RGS5: variants seen among roughly 807,000 people sequenced by gnomAD.
RGS5 encodes the protein regulator of G-protein signalling 5.
A neutral mutation model predicts 18.9 loss-of-function variants in RGS5; 20 were observed. The observed-to-expected ratio is 1.06, with a 90% CI of 0.74 to 1.54. RGS5 has a LOEUF of 1.54. RGS5 is among the 40% of genes most tolerant of loss of function. The pLI is 0.00. For synonymous variants in RGS5, 57 were observed against 76.2 expected, an observed-to-expected ratio of 0.75 and a Z score of 1.31; for missense variants, 201 against 211.8, an observed-to-expected ratio of 0.95 and a Z score of 0.32.
At chr1:163,210,459 A>T (rs1295159052) in intron 1 of RGS5, among the ~76,000 whole-genome samples, 1 of 152,158 alleles carries the variant, frequency 6.6e-6, no homozygotes, top group Non-Finnish European at 1.5e-5. Flanking sequence ...TTGCCCTGAA[A>T]TTTTTTTAAA....
intron 1 of RGS5, among the ~76,000 whole-genome samples, chr1:163,190,869 A>AT (rs139132272): frequency 5.1e-4 from 78 of 152,312 alleles, no homozygotes; most frequent in African/African-American, 1.9e-3. Context: ...CATTAAAGGG[A>AT]TACCCACATG....
At chr1:163,189,766 C>G (rs1025473105) in intron 1 of RGS5, among the ~76,000 whole-genome samples, 4 of 152,102 alleles carry the variant, frequency 2.6e-5, no homozygotes, top group Non-Finnish European at 4.4e-5. Context: ...TGTGGGAACC[C>G]AAAGCCTTTT....
At chr1:163,195,580 A>G (rs966266322) in intron 1 of RGS5, among the ~76,000 whole-genome samples, 1 of 151,988 alleles carries the variant, frequency 6.6e-6, no homozygotes, top group African/African-American at 2.4e-5. Flanking sequence ...CTGAAACAAA[A>G]GTAACAATAA....
At chr1:163,268,800 C>T (rs1352039069) in intron 2 of RGS5, among the ~76,000 whole-genome samples, 1 of 152,120 alleles carries the variant, frequency 6.6e-6, no homozygotes, top group African/African-American at 2.4e-5. Flanking sequence ...TGCCTTCTGA[C>T]TGGTCTAGGT....
At chr1:163,294,534 G>C (rs1162013576) in intron 2 of RGS5, among the ~76,000 whole-genome samples, 1 of 152,200 alleles carries the variant, frequency 6.6e-6, no homozygotes, top group African/African-American at 2.4e-5. Flanking sequence ...TTCTCTCTTA[G>C]ACTTCTGGGT....
At chr1:163,196,335 G>A (rs1659564163) in intron 1 of RGS5, among the ~76,000 whole-genome samples, 1 of 152,074 alleles carries the variant, frequency 6.6e-6, no homozygotes, top group Non-Finnish European at 1.5e-5. Context: ...CAGCAGTACA[G>A]ACAAAAACCA....
intron 1 of RGS5, among the ~76,000 whole-genome samples, chr1:163,199,527 A>G (rs1445871489): frequency 2.6e-5 from 4 of 152,118 alleles, no homozygotes; most frequent in African/African-American, 9.7e-5. Context: ...CCCATTATAT[A>G]TATTCCACCC....
At chr1:163,243,765 A>G (rs1227791164) in intron 2 of RGS5, among the ~76,000 whole-genome samples, 2 of 151,732 alleles carry the variant, frequency 1.3e-5, no homozygotes, top group African/African-American at 4.8e-5. Flanking sequence ...AAATTAAAGT[A>G]ACATTAAAAA....
At chr1:163,312,097 G>T (rs567360367) in intron 1 of RGS5, among the ~76,000 whole-genome samples, 65 of 152,324 alleles carry the variant, frequency 4.3e-4, no homozygotes, top group Non-Finnish European at 7.5e-4. Flanking sequence ...GCTGGATCAC[G>T]GGGGTGGTTT....
intron 2 of RGS5, among the ~76,000 whole-genome samples, chr1:163,264,591 C>A (rs1014261788): frequency 1.3e-5 from 2 of 152,148 alleles, no homozygotes; most frequent in Non-Finnish European, 2.9e-5. Flanking sequence ...GCATGACTAT[C>A]CAACAAACTT....
chr1:163,230,913 A>G (rs1647463302), intron 2 of RGS5, among the ~76,000 whole-genome samples: 2 of 152,366 alleles, frequency 1.3e-5, no homozygotes, highest in South Asian at 2.1e-4. Context: ...ACAGAGACAC[A>G]TTACAAAAAA....
At chr1:163,200,471 G>T (rs186469491) in intron 1 of RGS5, among the ~76,000 whole-genome samples, 2 of 152,054 alleles carry the variant, frequency 1.3e-5, no homozygotes, top group Non-Finnish European at 2.9e-5. Context: ...GAGCCTGTGT[G>T]GGGGAGGAAG....
intron 2 of RGS5, among the ~76,000 whole-genome samples, chr1:163,247,018 G>A (rs757210869): frequency 1.3e-5 from 2 of 152,228 alleles, no homozygotes; most frequent in East Asian, 1.9e-4. Context: ...ACTTATAAGC[G>A]AGAGCTAAAC....
chr1:163,303,732 C>G (rs573692238), intron 2 of RGS5, among the ~76,000 whole-genome samples: 1 of 152,136 alleles, frequency 6.6e-6, no homozygotes, highest in South Asian at 2.1e-4. Flanking sequence ...CCACACAGCA[C>G]GAAGTGAGTG....
At chr1:163,195,972 T>C (rs997696723) in intron 1 of RGS5, among the ~76,000 whole-genome samples, 1 of 152,142 alleles carries the variant, frequency 6.6e-6, no homozygotes, top group African/African-American at 2.4e-5. Context: ...TGAGCACTGT[T>C]CTTTCTACCC....
chr1:163,313,317 T>C lies in RGS5; in HGVS notation c.-377-6988A>G, dbSNP rs1037633195. Reference sequence around the variant, plus strand: ...TTAATACTAACTCTAGGAGAAAATCTTCAGAAAAGCCCTAGCCAATGAACA... The same window carrying C: ...TTAATACTAACTCTAGGAGAAAATCCTCAGAAAAGCCCTAGCCAATGAACA... On this transcript the variant is annotated intron_variant, in intron 1 of 5. Coordinates refer to the RGS5 transcript ENST00000618415. Among the ~76,000 whole-genome samples the C allele has an allele frequency of 8.5e-5, 13 of 152,328 alleles. No homozygotes were observed. In the South Asian group the frequency reaches 1.9e-3, roughly 22 times the overall value.
intron 2 of RGS5, among the ~76,000 whole-genome samples, chr1:163,230,746 A>T (rs1301319693): frequency 6.6e-6 from 1 of 152,238 alleles, no homozygotes; most frequent in Non-Finnish European, 1.5e-5. Context: ...AGGAACTCAC[A>T]GCATATTGGA....
chr1:163,151,336 A>G (rs2102382203), intron 4 of RGS5, among the ~76,000 whole-genome samples: 1 of 152,320 alleles, frequency 6.6e-6, no homozygotes, highest in Admixed American at 6.5e-5. Context: ...GATAAAGAAG[A>G]GTAGAAAGGA....
chr1:163,269,829 T>A (rs1375182063), intron 2 of RGS5, among the ~76,000 whole-genome samples: 1 of 152,210 alleles, frequency 6.6e-6, no homozygotes, highest in Non-Finnish European at 1.5e-5. Context: ...TTGAATTGAC[T>A]GTCTTTTCTA....
Sources: gnomAD v4.1 joint callset for allele counts (sites outside exome capture counted in the v4.1 genomes callset) on GRCh38, gnomAD v4.1.1 for gene constraint, MANE v1.5 for transcripts, NCBI Gene and HGNC (gene_info 2026-07-23, HGNC 2026-07-21) for gene names.